ART3: variants seen among roughly 807,000 people sequenced by gnomAD.
ART3 encodes the protein ecto-ADP-ribosyltransferase 3.
ART3 carries 49 observed loss-of-function variants against 48.5 expected under a neutral mutation model. The observed-to-expected ratio is 1.01, with a 90% CI of 0.80 to 1.28. The LOEUF is 1.28. Ranked by LOEUF, ART3 falls within the 50% of genes most tolerant of loss-of-function variation. ART3 has a pLI of 0.00. For missense variants in ART3, 438 were observed against 454.3 expected (o/e 0.96, Z 0.33); for synonymous variants, 145 against 157.2 (o/e 0.92, Z 0.58).
At chr4:76,076,300 G>A (rs991394727) in intron 2 of ART3, among the ~76,000 whole-genome samples, 3 of 152,060 alleles carry the variant, frequency 2.0e-5, no homozygotes, top group Admixed American at 6.6e-5. Context: ...CACCGCGCTT[G>A]GCCTGGAATG....
chr4:76,041,126 G>A (rs1052623622), intron 1 of ART3: 43 of 152,294 alleles, frequency 2.8e-4, no homozygotes, highest in African/African-American at 9.6e-4. Flanking sequence ...AGTCCTTTCC[G>A]TGTGTTCCAA....
At chr4:76,064,536 G>T (rs1305966303) in intron 1 of ART3, among the ~76,000 whole-genome samples, 6 of 152,128 alleles carry the variant, frequency 3.9e-5, no homozygotes, top group Admixed American at 3.9e-4. Flanking sequence ...CAATAAACTT[G>T]CAGTAAACTA....
chr4:76,046,371 C>T (rs1028587655), intron 1 of ART3, among the ~76,000 whole-genome samples: 3 of 151,996 alleles, frequency 2.0e-5, no homozygotes, highest in African/African-American at 7.2e-5. Flanking sequence ...GGAATTACTG[C>T]CTCATTAATG....
intron 1 of ART3, among the ~76,000 whole-genome samples, chr4:76,042,934 A>G (rs1449004855): frequency 1.3e-5 from 2 of 151,870 alleles, no homozygotes; most frequent in Non-Finnish European, 2.9e-5. Flanking sequence ...CTGTTTTGAC[A>G]GGGCGTGATT....
chr4:76,103,798 T>C, intron 8 of ART3, 139 bp from the exon 9 acceptor site: 1 of 704,226 alleles, frequency 1.4e-6, no homozygotes, highest in Non-Finnish European at 2.3e-6. Flanking sequence ...GGTGTTTTTG[T>C]TGTTGCTGTT....
intron 1 of ART3, among the ~76,000 whole-genome samples, chr4:76,054,081 A>C (rs944943506): frequency 2.0e-5 from 3 of 152,246 alleles, no homozygotes; most frequent in Non-Finnish European, 2.9e-5. Context: ...TGATTCAGTA[A>C]GAAGGGAGAA....
In ART3 at chr4:76,030,839, T is replaced by G. The variant is rs1375978863; in HGVS notation, c.-10+19519T>G. On this transcript the variant is annotated intron_variant, in intron 1 of 9. Coordinates refer to the ART3 transcript ENST00000341029. ...TTCCTTTTTATGGCCGAATAATCTA[T>G]TGTGTGTGTATACCACATTTTATCC... Among the ~76,000 whole-genome samples the G allele has an allele frequency of 3.9e-5, 6 of 152,220 alleles. 1 individual carries two copies. The South Asian group carries it at 1.2e-3, about 32-fold the overall frequency.
At chr4:76,018,774 C>T (rs910010591) in intron 1 of ART3, among the ~76,000 whole-genome samples, 9 of 151,898 alleles carry the variant, frequency 5.9e-5, no homozygotes, top group Non-Finnish European at 8.8e-5. Context: ...ATGCCTATAA[C>T]CCCAGCATTT....
chr4:76,093,685 T>C (rs1374310632), intron 3 of ART3, among the ~76,000 whole-genome samples: 1 of 152,214 alleles, frequency 6.6e-6, no homozygotes, highest in Non-Finnish European at 1.5e-5. Flanking sequence ...TAGACCTCTT[T>C]AAGAAGGGTA....
chr4:76,094,742 A>T lies in ART3; in HGVS notation c.782-2902A>T, dbSNP rs78234753. ...CTGGCCTTGGGTAGTTTTCTAACAC[A>T]TATAATCTGATCAGCACTCCACTGA... is the stretch of plus-strand genomic sequence containing the variant. On this transcript the variant is annotated intron_variant, in intron 3 of 11. Coordinates refer to ENST00000355810, the MANE Select transcript of ART3 (RefSeq NM_001130016.3). 4.7e-3 allele frequency among the ~76,000 whole-genome samples: 723 copies of T among 152,274 alleles called. 4 individuals are homozygous for T. The highest frequency in any genetic ancestry group is 0.017 in the African/African-American group (692 of 41,540).
At chr4:76,050,374 G>A (rs994726319) in intron 1 of ART3, among the ~76,000 whole-genome samples, 2 of 152,082 alleles carry the variant, frequency 1.3e-5, no homozygotes, top group African/African-American at 4.8e-5. Flanking sequence ...GCTAGATACA[G>A]AGTGTCGACA....
Position 76,112,375 on chromosome 4 carries a change from CTTG to C in ART3, c.1037-8_1037-6del. ...AATGATGTGTCAGTGACTGTGTATTCTTGTTAACAGCTCCAGGTCCAGTTCCTG... is the reference window on the plus strand; with the variant it reads ...AATGATGTGTCAGTGACTGTGTATTCTTAACAGCTCCAGGTCCAGTTCCTG... On this transcript the variant is annotated splice_region_variant and splice_polypyrimidine_tract_variant and intron_variant, in intron 11 of 11. Transcript: ENST00000355810. 6.2e-7 allele frequency: 1 copy of C among 1,611,222 alleles called. No individual in the cohort carries two copies. Among genetic ancestry groups the C allele is most frequent in the African/African-American group, 1.3e-5 (1 of 74,800 alleles).
chr4:76,056,354 T>C (rs1718686292), intron 1 of ART3, among the ~76,000 whole-genome samples: 1 of 152,180 alleles, frequency 6.6e-6, no homozygotes, highest in South Asian at 2.1e-4. Context: ...TACCTCTACC[T>C]GTGGGGTCTT....
intron 1 of ART3, chr4:76,035,818 T>C: frequency 1.0e-6 from 1 of 955,732 alleles, no homozygotes; most frequent in Non-Finnish European, 1.6e-6. Flanking sequence ...TTCTAATCTG[T>C]GAGATTAAAT....
intron 1 of ART3, chr4:76,022,034 A>G: frequency 8.0e-7 from 1 of 1,248,804 alleles, no homozygotes; most frequent in Non-Finnish European, 1.2e-6. Context: ...CCGAGTTCAT[A>G]GAATAGATAA....
chr4:76,045,689 T>C (rs1735437251), intron 1 of ART3, among the ~76,000 whole-genome samples: 1 of 152,046 alleles, frequency 6.6e-6, no homozygotes, highest in African/African-American at 2.4e-5. Flanking sequence ...TAGAGCCTGC[T>C]TTAAGCTTTT....
intron 11 of ART3, among the ~76,000 whole-genome samples, chr4:76,109,096 A>T (rs370359471): frequency 6.6e-6 from 1 of 152,190 alleles, no homozygotes; most frequent in Non-Finnish European, 1.5e-5. Context: ...TCAATAGTAA[A>T]TTAACCGTAG....
chr4:76,077,557 A>G (rs1459817459), intron 2 of ART3, among the ~76,000 whole-genome samples: 1 of 152,236 alleles, frequency 6.6e-6, no homozygotes, highest in Non-Finnish European at 1.5e-5. Context: ...ACATATTGAG[A>G]TACTACAAAC....
intron 1 of ART3, among the ~76,000 whole-genome samples, chr4:76,060,160 A>G (rs1285403605): frequency 6.6e-6 from 1 of 152,118 alleles, no homozygotes; most frequent in Non-Finnish European, 1.5e-5. Flanking sequence ...AGATACCCCA[A>G]ATTCAAGCCT....
Sources: gnomAD v4.1 joint callset for allele counts (sites outside exome capture counted in the v4.1 genomes callset) on GRCh38, gnomAD v4.1.1 for gene constraint, MANE v1.5 for transcripts, NCBI Gene and HGNC (gene_info 2026-07-23, HGNC 2026-07-21) for gene names.